The following PCDHGA1 variants were observed in gnomAD, a reference collection of about 807,000 sequenced individuals.
The protein encoded by PCDHGA1 is protocadherin gamma-A1.
A neutral mutation model predicts 58.0 loss-of-function variants in PCDHGA1; 32 were observed. The ratio of observed to expected loss-of-function variants is 0.55; its 90% CI spans 0.42 to 0.74. PCDHGA1 has a LOEUF of 0.74. PCDHGA1 is among the 30% of genes least tolerant of loss of function. PCDHGA1 has a pLI of 0.00. For synonymous variants in PCDHGA1, 498 were observed against 501.1 expected, an observed-to-expected ratio of 0.99 and a Z score of 0.08; for missense variants, 1,205 against 1,182.3, an observed-to-expected ratio of 1.02 and a Z score of -0.28.
Position 141,490,820 on chromosome 5 carries a change from T to G in PCDHGA1, c.2422-3987T>G. On this transcript the variant is annotated intron_variant, in intron 1 of 3. Transcript: ENST00000517417. The surrounding 1 kb of genome is among the most constrained non-coding windows in gnomAD (Gnocchi z 5.4). ...CAGCGTACCTTTGACTATGAATTGC[T>G]GCAGATGCTGCAGATTGTGGTGGGG... 6.2e-7 allele frequency: 1 copy of G among 1,613,820 alleles called. No homozygotes were observed. Among genetic ancestry groups the G allele is most frequent in the Non-Finnish European group, 8.5e-7 (1 of 1,179,768 alleles).
intron 2 of PCDHGA1, 117 bp downstream of exon 2, chr5:141,494,982 G>C: frequency 6.4e-7 from 1 of 1,563,940 alleles, no homozygotes; most frequent in Non-Finnish European, 8.7e-7. Context: ...CTCAGTTTGA[G>C]ATCCCAGGGA....
Position 141,491,166 on chromosome 5 carries a change from G to A in PCDHGA1, c.2422-3641G>A. 1 of 1,614,150 alleles carries A rather than the reference G, an allele frequency of 6.2e-7. No individual in the cohort carries two copies. The highest frequency in any genetic ancestry group is 8.5e-7 in the Non-Finnish European group (1 of 1,179,964). ...TACTGGAGGATGACTCTGACACCCA[G>A]CAGGTGGTGGTCCTGGTGAGGGACA... On this transcript the variant is annotated intron_variant, in intron 1 of 3. Transcript: ENST00000517417. The surrounding 1 kb of genome is among the most constrained non-coding windows in gnomAD (Gnocchi z 6.9).
Position 141,476,301 on chromosome 5 carries a change from C to T in PCDHGA1, c.2422-18506C>T. On this transcript the variant is annotated intron_variant, in intron 1 of 3. Transcript: ENST00000517417. The surrounding 1 kb of genome is among the most constrained non-coding windows in gnomAD (Gnocchi z 7.6). ...CTTGGTTTGGATCTCGGTAGCCTCT[C>T]AGCCCGCAGGTTCCGGGTGGTGTCT... is the stretch of plus-strand genomic sequence containing the variant. The T allele has an allele frequency of 1.9e-6, 3 of 1,613,778 alleles. No homozygotes were observed. The highest frequency in any genetic ancestry group is 2.5e-6 in the Non-Finnish European group (3 of 1,179,908).
intron 1 of PCDHGA1, chr5:141,394,949 G>A (rs761514870): frequency 1.9e-6 from 3 of 1,613,906 alleles, no homozygotes; most frequent in Non-Finnish European, 1.7e-6. Flanking sequence ...CTGTGCTTCT[G>A]GGGCTCAGGC....
Position 141,371,905 on chromosome 5 carries a change from A to C in PCDHGA1, c.2421+38800A>C, listed in dbSNP as rs768388601. 6 of 1,613,358 alleles carry C rather than the reference A, an allele frequency of 3.7e-6. No homozygotes were observed. In the South Asian group the frequency reaches 6.6e-5, roughly 18 times the overall value. On this transcript the variant is annotated intron_variant, in intron 1 of 3. Coordinates refer to ENST00000517417, the MANE Select transcript of PCDHGA1 (RefSeq NM_018912.3). ...CTGGAGCCGCGGGAGCTGTCGTCCTACGTGTCCGTGAGCGCGCGGAGCGGG... is the reference window on the plus strand; with the variant it reads ...CTGGAGCCGCGGGAGCTGTCGTCCTCCGTGTCCGTGAGCGCGCGGAGCGGG...
At position 141,454,320 on chromosome 5, in the gene PCDHGA1, C is replaced by T. The variant is rs140074578; in HGVS notation, c.2422-40487C>T. ...CAGATATTTCAAAGCATTGAAACCTCCAAGAATAAATAAAATGTTGGAAGT... is the reference window on the plus strand; with the variant it reads ...CAGATATTTCAAAGCATTGAAACCTTCAAGAATAAATAAAATGTTGGAAGT... On this transcript the variant is annotated intron_variant, in intron 1 of 3. Coordinates refer to ENST00000517417, the MANE Select transcript of PCDHGA1 (RefSeq NM_018912.3). Among the ~76,000 whole-genome samples, 592 of 152,266 alleles carry T rather than the reference C, an allele frequency of 3.9e-3. 6 individuals are homozygous for T. Among genetic ancestry groups the T allele is most frequent in the Admixed American group, 0.011 (171 of 15,288 alleles).
At chr5:141,388,784 T>A in intron 1 of PCDHGA1, 1 of 1,613,942 alleles carries the variant, frequency 6.2e-7, no homozygotes, top group Non-Finnish European at 8.5e-7. Flanking sequence ...GGGAAATTAC[T>A]GTTTTAAATA....
chr5:141,421,476 C>A, intron 1 of PCDHGA1: 2 of 1,614,158 alleles, frequency 1.2e-6, no homozygotes, highest in Non-Finnish European at 1.7e-6. Context: ...CGCGAAGCGG[C>A]AGCTTGATCA....
chr5:141,355,192 G>T, intron 1 of PCDHGA1: 1 of 1,592,970 alleles, frequency 6.3e-7, no homozygotes, highest in South Asian at 1.1e-5. Context: ...ACTCCGCGGC[G>T]GGGTTGTAAT....
At chr5:141,370,582 C>T (rs1455382111) in intron 1 of PCDHGA1, 1 of 1,613,890 alleles carries the variant, frequency 6.2e-7, no homozygotes, top group Non-Finnish European at 8.5e-7. Context: ...GATTTACCTA[C>T]TAGGAACCTG....
Position 141,332,953 on chromosome 5 carries a change from G to A in PCDHGA1, c.2269G>A (p.Val757Ile), listed in dbSNP as rs779897860. ...RAFLQTYSHE[V>I]SLTADSRKSH... ...TTTCCTGCAGACCTATTCCCACGAG[G>A]TCTCCCTCACTGCGGACTCGCGGAA... The change falls in exon 1 of 4, where the codon GTC (valine) becomes ATC (isoleucine). Residue 757 changes from valine (V) to isoleucine (I), a missense_variant. Coordinates refer to ENST00000517417, the MANE Select transcript of PCDHGA1 (RefSeq NM_018912.3). The surrounding 1 kb of genome is among the most constrained non-coding windows in gnomAD (Gnocchi z 4.6). 1 of 1,614,156 alleles carries A rather than the reference G, an allele frequency of 6.2e-7. No individual in the cohort carries two copies. Among genetic ancestry groups the A allele is most frequent in the Admixed American group, 1.7e-5 (1 of 60,022 alleles).
At chr5:141,450,832 T>TTA (rs764784095) in intron 1 of PCDHGA1, among the ~76,000 whole-genome samples, 6,304 of 142,274 alleles carry the variant, frequency 0.044, 222 homozygotes, top group African/African-American at 0.11. Context: ...TATTATTATT[T>TTA]TTTTTTTTTT....
chr5:141,403,487 T>C, intron 1 of PCDHGA1: 1 of 1,613,930 alleles, frequency 6.2e-7, no homozygotes. Flanking sequence ...TCACCACTTC[T>C]CCCTGAACGT....
chr5:141,399,665 A>T, intron 1 of PCDHGA1: 14 of 1,613,648 alleles, frequency 8.7e-6, no homozygotes, highest in Non-Finnish European at 1.2e-5. Flanking sequence ...GTGTTCGCGC[A>T]GCGCGCCTTT....
At chr5:141,372,366 G>T in intron 1 of PCDHGA1, 2 of 1,613,950 alleles carry the variant, frequency 1.2e-6, no homozygotes, top group East Asian at 4.5e-5. Context: ...TTCAGCCACC[G>T]TCATGCTGCA....
In PCDHGA1 at chr5:141,491,354, C is replaced by T. The variant is rs2099710960; in HGVS notation, c.2422-3453C>T. The T allele has an allele frequency of 6.2e-7, 1 of 1,614,166 alleles. No homozygotes were observed. Among genetic ancestry groups the T allele is most frequent in the South Asian group, 1.1e-5 (1 of 91,088 alleles). On this transcript the variant is annotated intron_variant, in intron 1 of 3. Coordinates refer to ENST00000517417, the MANE Select transcript of PCDHGA1 (RefSeq NM_018912.3). This position sits in a 1 kb window ranked among gnomAD's most constrained non-coding sequence, Gnocchi z 6.9. ...GCTCTAGCGACCGTCAGTCTCTTAT[C>T]CCTAGTCACCTTCACCTTTCTGTCA...
chr5:141,365,177 AAT>A, intron 1 of PCDHGA1: 2 of 1,613,884 alleles, frequency 1.2e-6, no homozygotes, highest in Non-Finnish European at 1.7e-6. Flanking sequence ...CTCTTTTCGC[AAT>A]GAAGAAGAAA....
At chr5:141,375,525 T>C (rs1027901003) in intron 1 of PCDHGA1, 13 of 1,613,866 alleles carry the variant, frequency 8.1e-6, no homozygotes, top group African/African-American at 1.3e-5. Context: ...GACCCTGACG[T>C]GGACCAGAAC....
At chr5:141,384,579 C>T (rs746315101) in intron 1 of PCDHGA1, 13 of 1,614,128 alleles carry the variant, frequency 8.1e-6, no homozygotes, top group African/African-American at 8.0e-5. Flanking sequence ...ACAACCCGCC[C>T]GAGATCCTGT....
Sources: gnomAD v4.1 joint callset for allele counts (sites outside exome capture counted in the v4.1 genomes callset) on GRCh38, gnomAD v4.1.1 for gene constraint, Gnocchi (gnomAD v3.1) non-coding constraint, MANE v1.5 for transcripts, NCBI Gene and HGNC (gene_info 2026-07-23, HGNC 2026-07-21) for gene names.